Variants in TOX observed in about 807,000 individuals in gnomAD.
TOX encodes thymocyte selection associated high mobility group box.
TOX carries 11 observed loss-of-function variants against 53.7 expected under a neutral mutation model. The observed-to-expected ratio is 0.20, with a 90% CI of 0.13 to 0.34. The LOEUF is 0.34. Ranked by LOEUF, TOX falls within the 10% of genes least tolerant of loss-of-function variation. The probability of loss-of-function intolerance (pLI) is 1.00; values close to 1 mark genes in which losing one functional copy is unlikely to be tolerated. For missense variants in TOX, 570 were observed against 664.6 expected (o/e 0.86, Z 1.56); for synonymous variants, 225 against 245.3 (o/e 0.92, Z 0.77).
chr8:58,826,921 G>A lies in TOX; in HGVS notation c.925-19C>T. The A allele has an allele frequency of 6.2e-7, 1 of 1,603,922 alleles. No homozygotes were observed. The stretch of plus-strand genomic sequence containing the variant: ...TATAGACCTGCAACAACAGCAAAGA[G>A]TCTTAAATTAGAAAGTGCATTTGCT... On this transcript the variant is annotated intron_variant, in intron 5 of 8. Coordinates refer to ENST00000361421, the MANE Select transcript of TOX (RefSeq NM_014729.3).
At chr8:58,899,748 T>A (rs1369987861) in intron 3 of TOX, among the ~76,000 whole-genome samples, 1 of 152,184 alleles carries the variant, frequency 6.6e-6, no homozygotes. Flanking sequence ...ACATTTTGGA[T>A]TCCGGATTTT....
chr8:59,097,011 T>C (rs1470622343), intron 1 of TOX, among the ~76,000 whole-genome samples: 1 of 152,180 alleles, frequency 6.6e-6, no homozygotes, highest in African/African-American at 2.4e-5. Flanking sequence ...GAGATGCATA[T>C]TTTACTGGAG....
chr8:59,089,866 G>C (rs886600267), intron 1 of TOX, among the ~76,000 whole-genome samples: 1 of 152,316 alleles, frequency 6.6e-6, no homozygotes, highest in East Asian at 1.9e-4. Context: ...TTACAGGTGT[G>C]AGCCACCATG....
At chr8:58,975,136 T>G (rs1813068087) in intron 1 of TOX, among the ~76,000 whole-genome samples, 1 of 151,702 alleles carries the variant, frequency 6.6e-6, no homozygotes, top group Non-Finnish European at 1.5e-5. Flanking sequence ...TATGTAGATT[T>G]TACAGATATA....
At chr8:58,857,872 T>C (rs1000422690) in intron 3 of TOX, among the ~76,000 whole-genome samples, 5 of 151,952 alleles carry the variant, frequency 3.3e-5, no homozygotes, top group African/African-American at 1.2e-4. Context: ...CAGGTTCGAG[T>C]GATTCTCCTG....
At chr8:58,942,339 T>A (rs1812456852) in intron 2 of TOX, among the ~76,000 whole-genome samples, 1 of 152,240 alleles carries the variant, frequency 6.6e-6, no homozygotes, top group Non-Finnish European at 1.5e-5. Flanking sequence ...TTTATTTTCA[T>A]GTAATTACAC....
intron 1 of TOX, among the ~76,000 whole-genome samples, chr8:58,972,769 T>C (rs1266206234): frequency 6.6e-6 from 1 of 152,226 alleles, no homozygotes; most frequent in Non-Finnish European, 1.5e-5. Context: ...AAAATTACAT[T>C]ATTAATAACT....
intron 4 of TOX, among the ~76,000 whole-genome samples, chr8:58,842,339 T>C (rs553854108): frequency 2.0e-5 from 3 of 152,126 alleles, no homozygotes; most frequent in Admixed American, 6.5e-5. Context: ...AGACAACTTT[T>C]TCTCTCTCTC....
chr8:59,052,648 T>C (rs1456376262), intron 1 of TOX, among the ~76,000 whole-genome samples: 1 of 152,212 alleles, frequency 6.6e-6, no homozygotes, highest in African/African-American at 2.4e-5. Flanking sequence ...TGAGGCAACA[T>C]AAGAGTTCAC....
chr8:58,896,610 G>A (rs996338833), intron 3 of TOX, among the ~76,000 whole-genome samples: 1 of 152,122 alleles, frequency 6.6e-6, no homozygotes, highest in Non-Finnish European at 1.5e-5. Flanking sequence ...GGGAGTCGGA[G>A]GTTGCAGTGA....
intron 1 of TOX, among the ~76,000 whole-genome samples, chr8:59,034,441 C>T (rs1814417887): frequency 6.6e-6 from 1 of 152,192 alleles, no homozygotes; most frequent in African/African-American, 2.4e-5. Flanking sequence ...CCCTGTCCCC[C>T]ACCTCCACCC....
At chr8:58,911,047 C>CA (rs1025612879) in intron 3 of TOX, among the ~76,000 whole-genome samples, 27 of 151,542 alleles carry the variant, frequency 1.8e-4, no homozygotes, top group Non-Finnish European at 2.8e-4. Context: ...TTAGTTCTCT[C>CA]TTTTTTTTTC....
chr8:59,014,399 T>C (rs1002672539), intron 1 of TOX, among the ~76,000 whole-genome samples: 12 of 152,276 alleles, frequency 7.9e-5, no homozygotes, highest in Non-Finnish European at 1.5e-4. Context: ...AAATTTTTCC[T>C]GTCATCTGTT....
rs1272884907 is a variant in TOX, at chr8:58,806,797, C to G, written c.*950G>C. ...ATACTAACAAATTTACTTACAAACA[C>G]CTATATTTATTATTTCATAAATAGG... On this transcript the variant is annotated 3_prime_UTR_variant, in exon 9 of 9. Coordinates refer to ENST00000361421, the MANE Select transcript of TOX (RefSeq NM_014729.3). The G allele has an allele frequency of 2.6e-5, 4 of 152,374 alleles. No homozygotes were observed. Among genetic ancestry groups the G allele is most frequent in the African/African-American group, 9.7e-5 (4 of 41,366 alleles). 9.4% of individuals were successfully genotyped at this position (152,374 alleles called of 1,614,324 possible). A position where few individuals can be genotyped will look rare whatever the true frequency, so the allele number is the denominator to read the frequency against.
chr8:58,886,560 C>T (rs1811471627), intron 3 of TOX, among the ~76,000 whole-genome samples: 1 of 152,034 alleles, frequency 6.6e-6, no homozygotes, highest in African/African-American at 2.4e-5. Flanking sequence ...TAAAAATGCA[C>T]ATATTTTGCA....
intron 3 of TOX, among the ~76,000 whole-genome samples, chr8:58,856,101 C>T (rs1291613133): frequency 6.6e-6 from 1 of 152,112 alleles, no homozygotes; most frequent in Non-Finnish European, 1.5e-5. Flanking sequence ...ATGAAATATA[C>T]TTTTTTTACA....
chr8:59,026,431 G>A (rs1045728078), intron 1 of TOX, among the ~76,000 whole-genome samples: 2 of 152,140 alleles, frequency 1.3e-5, no homozygotes, highest in African/African-American at 4.8e-5. Context: ...AAAAAAGGAG[G>A]CAGGGCACAG....
At chr8:58,857,795 A>C (rs1260515419) in intron 3 of TOX, among the ~76,000 whole-genome samples, 3 of 150,176 alleles carry the variant, frequency 2.0e-5, no homozygotes, top group Non-Finnish European at 4.4e-5. Context: ...TTTGAGATGG[A>C]CTCTTACTCT....
intron 1 of TOX, among the ~76,000 whole-genome samples, chr8:59,109,652 T>C (rs1317410643): frequency 6.6e-6 from 1 of 152,126 alleles, no homozygotes; most frequent in African/African-American, 2.4e-5. Context: ...TTATGTGAAC[T>C]TTACTAGGCA....
Sources: allele counts gnomAD v4.1 joint callset (sites outside exome capture counted in the v4.1 genomes callset), GRCh38; gene constraint gnomAD v4.1.1; transcripts MANE v1.5; gene names NCBI Gene and HGNC (gene_info 2026-07-23, HGNC 2026-07-21).